SORCS3: variants seen among roughly 807,000 people sequenced by gnomAD.
SORCS3 encodes VPS10 domain-containing receptor SorCS3.
In SORCS3, 57 loss-of-function variants were observed where a neutral mutation model predicts 146.3. The observed-to-expected ratio is 0.39, with a 90% confidence interval of 0.31 to 0.49. The LOEUF is 0.49. Ranked by LOEUF, SORCS3 falls within the 20% of genes least tolerant of loss-of-function variation. The pLI, the probability that SORCS3 is intolerant of heterozygous loss-of-function variation, is 0.92. For missense variants in SORCS3, 1,341 were observed against 1,575.5 expected (o/e 0.85, Z 2.52); for synonymous variants, 653 against 618.5 (o/e 1.06, Z -0.83).
At chr10:105,120,571 G>T (rs982807866) in intron 7 of SORCS3, among the ~76,000 whole-genome samples, 10 of 152,094 alleles carry the variant, frequency 6.6e-5, no homozygotes. Flanking sequence ...GCTCCATTCA[G>T]AACTCTACTG....
intron 5 of SORCS3, among the ~76,000 whole-genome samples, chr10:105,072,483 T>A (rs544037768): frequency 8.5e-5 from 13 of 152,254 alleles, no homozygotes; most frequent in Non-Finnish European, 1.9e-4. Context: ...CTTCCCAGGC[T>A]GATGGATACA....
chr10:104,669,845 A>G (rs531873212), intron 1 of SORCS3, among the ~76,000 whole-genome samples: 1 of 151,862 alleles, frequency 6.6e-6, no homozygotes, highest in African/African-American at 2.4e-5. Flanking sequence ...TAGCTGTACC[A>G]ATAGAACAGA....
intron 1 of SORCS3, among the ~76,000 whole-genome samples, chr10:104,802,385 T>G (rs937885280): frequency 9.2e-5 from 14 of 152,226 alleles, no homozygotes; most frequent in Admixed American, 7.9e-4. Flanking sequence ...TAATAGTTTT[T>G]GGAATTGAGA....
intron 1 of SORCS3, among the ~76,000 whole-genome samples, chr10:104,662,180 T>C (rs749231765): frequency 5.9e-5 from 9 of 152,190 alleles, no homozygotes; most frequent in Admixed American, 6.6e-5. Flanking sequence ...AATCAGGATA[T>C]TACAGAGTTT....
intron 6 of SORCS3, among the ~76,000 whole-genome samples, chr10:105,093,469 A>G (rs907089183): frequency 6.6e-6 from 1 of 152,186 alleles, no homozygotes; most frequent in African/African-American, 2.4e-5. Context: ...TACTGTTAAA[A>G]CACTGGGAGA....
intron 5 of SORCS3, among the ~76,000 whole-genome samples, chr10:105,082,855 T>C (rs1458951545): frequency 6.6e-6 from 1 of 152,124 alleles, no homozygotes; most frequent in Non-Finnish European, 1.5e-5. Flanking sequence ...CTCAGCCTCC[T>C]GAGTAGCTGG....
chr10:105,042,982 G>T, intron 4 of SORCS3, 73 bp from the exon 5 acceptor site: 6 of 1,325,390 alleles, frequency 4.5e-6, no homozygotes, highest in Non-Finnish European at 6.5e-6. Context: ...TTGGGATGCT[G>T]CAGGGAAAAC....
chr10:105,057,437 G>A (rs2055453092), intron 5 of SORCS3, among the ~76,000 whole-genome samples: 1 of 152,100 alleles, frequency 6.6e-6, no homozygotes, highest in African/African-American at 2.4e-5. Flanking sequence ...ACACCACCCT[G>A]AAGTGTCTAA....
rs1489010730 is a variant in SORCS3 at position 104,641,750 on chromosome 10, A to G, written c.423A>G (p.Glu141=). Residue 141 remains glutamate (E), a synonymous_variant, in exon 1 of 27, where the codon GAA becomes GAG. Transcript: ENST00000369701. The surrounding 1 kb of genome is among the most constrained non-coding windows in gnomAD (Gnocchi z 6.4). ...GGGCGCAGCCCCCAATCACCCAGGA[A>G]CGCGGGGACGCCTGGGCCACTGCTC... is the stretch of plus-strand genomic sequence containing the variant. ...SRRAQPPITQ[E]RGDAWATAPA... The G allele has an allele frequency of 6.5e-7, 1 of 1,545,728 alleles. No individual in the cohort carries two copies. The highest frequency in any genetic ancestry group is 8.7e-7 in the Non-Finnish European group (1 of 1,145,696).
chr10:105,126,010 A>G (rs982925671), intron 7 of SORCS3, among the ~76,000 whole-genome samples: 1 of 152,182 alleles, frequency 6.6e-6, no homozygotes, highest in East Asian at 1.9e-4. Context: ...GACAAAATAA[A>G]TAACTTAAAA....
chr10:104,828,643 G>A (rs2017966274), intron 1 of SORCS3, among the ~76,000 whole-genome samples: 1 of 152,154 alleles, frequency 6.6e-6, no homozygotes, highest in Admixed American at 6.5e-5. Flanking sequence ...ACATGGGGTT[G>A]CCACAAGCCT....
chr10:105,176,174 A>G (rs1309124363), intron 13 of SORCS3, among the ~76,000 whole-genome samples: 1 of 152,120 alleles, frequency 6.6e-6, no homozygotes, highest in Non-Finnish European at 1.5e-5. Context: ...TGTATATAGT[A>G]TCAACTATAT....
intron 6 of SORCS3, among the ~76,000 whole-genome samples, chr10:105,096,091 TCACCTCACAAATACACACA>T (rs2055743980): frequency 7.2e-6 from 1 of 139,236 alleles, no homozygotes. Context: ...AGCATTATAA[TCACCTCACAAATACACACA>T]CACACACACA....
At chr10:104,980,706 G>C (rs1055388148) in intron 4 of SORCS3, among the ~76,000 whole-genome samples, 1 of 152,112 alleles carries the variant, frequency 6.6e-6, no homozygotes, top group Non-Finnish European at 1.5e-5. Context: ...AGTTGGTAAG[G>C]CTATCTCGTT....
At chr10:104,668,366 A>G (rs975999342) in intron 1 of SORCS3, among the ~76,000 whole-genome samples, 2 of 152,106 alleles carry the variant, frequency 1.3e-5, no homozygotes, top group Non-Finnish European at 2.9e-5. Flanking sequence ...TTCTTTGTTA[A>G]GTGTTACATG....
intron 3 of SORCS3, among the ~76,000 whole-genome samples, chr10:104,954,217 A>G (rs1297257215): frequency 6.6e-6 from 1 of 152,222 alleles, no homozygotes; most frequent in Non-Finnish European, 1.5e-5. Flanking sequence ...TGTAATTTCT[A>G]GGAAGAAAAT....
intron 4 of SORCS3, among the ~76,000 whole-genome samples, chr10:105,001,305 C>G (rs1044737553): frequency 6.6e-6 from 1 of 152,126 alleles, no homozygotes; most frequent in Non-Finnish European, 1.5e-5. Context: ...TGAGCAGTGC[C>G]TTTGAATTCA....
chr10:104,867,244 CA>C (rs1809314060), intron 2 of SORCS3, among the ~76,000 whole-genome samples: 1 of 149,470 alleles, frequency 6.7e-6, no homozygotes, highest in African/African-American at 2.5e-5. Context: ...TTAAAGTGGT[CA>C]GGGGAGAACT....
At chr10:105,103,073 G>A (rs1158771312) in intron 6 of SORCS3, among the ~76,000 whole-genome samples, 1 of 151,928 alleles carries the variant, frequency 6.6e-6, no homozygotes, top group Non-Finnish European at 1.5e-5. Context: ...TAAAAATAAG[G>A]AAATTTAACA....
Sources: allele counts gnomAD v4.1 joint callset (sites outside exome capture counted in the v4.1 genomes callset), GRCh38; gene constraint gnomAD v4.1.1; non-coding constraint Gnocchi (gnomAD v3.1); transcripts MANE v1.5; gene names NCBI Gene and HGNC (gene_info 2026-07-23, HGNC 2026-07-21).